CELF2: variants seen among roughly 807,000 people sequenced by gnomAD.
CELF2 encodes CUGBP Elav-like family member 2.
In CELF2, 8 loss-of-function variants were observed where a neutral mutation model predicts 62.6. The observed-to-expected ratio is 0.13, with a 90% CI of 0.07 to 0.23. The LOEUF (loss-of-function observed/expected upper bound fraction) is 0.23. Ranked by LOEUF, CELF2 falls within the 10% of genes least tolerant of loss-of-function variation. The probability of loss-of-function intolerance (pLI) is 1.00; values close to 1 mark genes in which losing one functional copy is unlikely to be tolerated. For synonymous variants in CELF2, 258 were observed against 250.0 expected (o/e 1.03, Z -0.30); for missense variants, 333 against 671.0 (o/e 0.50, Z 5.56).
the CELF2 span, among the ~76,000 whole-genome samples, chr10:10,671,589 A>C: frequency 6.6e-6 from 1 of 152,186 alleles, no homozygotes; most frequent in Non-Finnish European, 1.5e-5. Flanking sequence ...CATCCTCACC[A>C]GCATTTGGTG....
At chr10:10,529,637 T>C in the CELF2 span, among the ~76,000 whole-genome samples, 16,646 of 135,802 alleles carry the variant, frequency 0.12, 1,071 homozygotes, top group Middle Eastern at 0.29. Context: ...TGAGCCGAGA[T>C]TGTGCCACTA....
At chr10:11,120,336 C>T (rs779623111) in intron 1 of CELF2, among the ~76,000 whole-genome samples, 8 of 152,150 alleles carry the variant, frequency 5.3e-5, no homozygotes, top group African/African-American at 1.9e-4. Flanking sequence ...ATTCCCTGTG[C>T]TCCTTCCCCC....
intron 1 of CELF2, among the ~76,000 whole-genome samples, chr10:11,135,433 C>A (rs1488262978): frequency 1.3e-5 from 2 of 152,190 alleles, no homozygotes; most frequent in African/African-American, 4.8e-5. Context: ...TGTCAAAAAA[C>A]CATTGAATGT....
chr10:11,031,997 T>A (rs2060189917), intron 1 of CELF2, among the ~76,000 whole-genome samples: 3 of 152,086 alleles, frequency 2.0e-5, no homozygotes, highest in Admixed American at 1.3e-4. Flanking sequence ...ATTTCCACCC[T>A]GTGAAACAAA....
At chr10:11,312,707 G>A (rs189617638) in intron 9 of CELF2, among the ~76,000 whole-genome samples, 38 of 152,320 alleles carry the variant, frequency 2.5e-4, no homozygotes, top group African/African-American at 7.2e-4. Context: ...AGGCCGAGGC[G>A]GGCGGATCAC....
chr10:10,473,058 G>C, the CELF2 span, among the ~76,000 whole-genome samples: 5 of 151,938 alleles, frequency 3.3e-5, no homozygotes, highest in Non-Finnish European at 5.9e-5. Flanking sequence ...GGATTGAATT[G>C]TGCCTCCCCT....
chr10:11,159,298 C>A lies in CELF2; in HGVS notation c.75-6188C>A, dbSNP rs532727957. ...TAAATTTACCCAAAGTTTTCAGCAG[C>A]CCTGGATGCCACTACAGTTAAGACA... On this transcript the variant is annotated intron_variant, in intron 1 of 12. Coordinates refer to ENST00000633077, the MANE Select transcript of CELF2 (RefSeq NM_001326342.2). The surrounding 1 kb of genome is among the most constrained non-coding windows in gnomAD (Gnocchi z 5.0). Among the ~76,000 whole-genome samples, 4 of 152,330 alleles carry A rather than the reference C, an allele frequency of 2.6e-5. No homozygotes were observed. Among genetic ancestry groups the A allele is most frequent in the African/African-American group, 7.2e-5 (3 of 41,560 alleles).
Position 11,165,176 on chromosome 10 carries a change from A to G in CELF2, c.75-310A>G. 2.5e-6 allele frequency: 3 copies of G among 1,211,038 alleles called. No individual in the cohort carries two copies. The highest frequency in any genetic ancestry group is 4.9e-5 in the East Asian group (1 of 20,530). 75.0% of individuals were successfully genotyped at this position (1,211,038 alleles called of 1,614,324 possible). On this transcript the variant is annotated intron_variant, in intron 1 of 12. Coordinates refer to ENST00000633077, the MANE Select transcript of CELF2 (RefSeq NM_001326342.2). This position sits in a 1 kb window ranked among gnomAD's most constrained non-coding sequence, Gnocchi z 7.4. The stretch of plus-strand genomic sequence containing the variant: ...GGCAGCCTTGCAGAGCTAGACCTGC[A>G]CTTAACTTGCAGCTGCCTCCCGAGC...
At chr10:10,631,472 A>C in the CELF2 span, among the ~76,000 whole-genome samples, 74 of 152,326 alleles carry the variant, frequency 4.9e-4, no homozygotes, top group African/African-American at 1.6e-3. Context: ...AGAAGTTCTC[A>C]AGGAGCAGGG....
At chr10:10,906,882 C>G (rs1437887777) in intron 1 of CELF2, among the ~76,000 whole-genome samples, 1 of 151,978 alleles carries the variant, frequency 6.6e-6, no homozygotes, top group African/African-American at 2.4e-5. Context: ...CCACACCCAG[C>G]TAATTTTCGT....
In CELF2 at chr10:11,295,108, TG is replaced by T. The variant is rs2093007687; in HGVS notation, c.976+6560del. On this transcript the variant is annotated intron_variant, in intron 9 of 12. Coordinates refer to ENST00000633077, the MANE Select transcript of CELF2 (RefSeq NM_001326342.2). ...ATTGTCTTCTTTGCTCGTGACATTA[TG>T]GGGCTCACTTTATTTTCATTAATGT... is the stretch of plus-strand genomic sequence containing the variant. Among the ~76,000 whole-genome samples, 3 of 152,350 alleles carry T rather than the reference TG, an allele frequency of 2.0e-5. No homozygotes were observed. The South Asian group carries it at 6.2e-4, about 32-fold the overall frequency.
the CELF2 span, among the ~76,000 whole-genome samples, chr10:10,503,024 A>G: frequency 2.6e-5 from 4 of 152,094 alleles, no homozygotes; most frequent in East Asian, 1.9e-4. Context: ...TTTAGTTTCA[A>G]TAGGTTAGAA....
intron 1 of CELF2, among the ~76,000 whole-genome samples, chr10:10,858,245 C>CTGAGGGATGCCT (rs2059862275): frequency 6.6e-6 from 1 of 152,060 alleles, no homozygotes; most frequent in African/African-American, 2.4e-5. Context: ...AAAATGTTGC[C>CTGAGGGATGCCT]TGAGGGATGC....
the CELF2 span, among the ~76,000 whole-genome samples, chr10:10,622,034 A>G: frequency 6.6e-5 from 10 of 152,198 alleles, no homozygotes; most frequent in Non-Finnish European, 1.0e-4. Flanking sequence ...TCACAGCCCA[A>G]TAACACTTTG....
At chr10:11,077,176 TATAA>T (rs1454637315) in intron 1 of CELF2, among the ~76,000 whole-genome samples, 3 of 152,214 alleles carry the variant, frequency 2.0e-5, no homozygotes, top group Non-Finnish European at 4.4e-5. Context: ...GGGTTATCAT[TATAA>T]ATACCAGATT....
At chr10:10,837,674 C>A (rs1038517003) in intron 1 of CELF2, among the ~76,000 whole-genome samples, 1 of 152,094 alleles carries the variant, frequency 6.6e-6, no homozygotes, top group African/African-American at 2.4e-5. Flanking sequence ...GGTGACATTC[C>A]CCACTCAATT....
chr10:11,257,689 G>GA (rs775863107), intron 4 of CELF2, 49 bp from the exon 5 acceptor site: 1 of 1,600,154 alleles, frequency 6.2e-7, no homozygotes, highest in Non-Finnish European at 8.5e-7. Context: ...TTGATTACAA[G>GA]AAAAAAAGAT....
Position 11,334,019 on chromosome 10 carries a change from A to C in CELF2, c.*4966A>C, listed in dbSNP as rs922701427. 1 of 152,618 alleles carries C rather than the reference A, an allele frequency of 6.6e-6. No homozygotes were observed. The highest frequency in any genetic ancestry group is 2.4e-5 in the African/African-American group (1 of 41,456). The allele number at this position is 152,618 out of a possible 1,614,324, so 9.5% of individuals were successfully genotyped here. On this transcript the variant is annotated 3_prime_UTR_variant, in exon 13 of 13. Transcript: ENST00000633077. ...AAGTTGCTTTTCTTTTGAGAATTAA[A>C]AACTTTGGCTTGATTTCTTTTTTCC...
chr10:11,183,606 G>C (rs2074073216), intron 2 of CELF2, among the ~76,000 whole-genome samples: 1 of 152,120 alleles, frequency 6.6e-6, no homozygotes, highest in Non-Finnish European at 1.5e-5. Flanking sequence ...CCAACACTTG[G>C]TGTAATCACT....
Sources: allele counts gnomAD v4.1 joint callset (sites outside exome capture counted in the v4.1 genomes callset), GRCh38; gene constraint gnomAD v4.1.1; non-coding constraint Gnocchi (gnomAD v3.1); transcripts MANE v1.5; gene names NCBI Gene and HGNC (gene_info 2026-07-23, HGNC 2026-07-21).